The following DSCAML1 variants were observed in gnomAD, a reference collection of about 807,000 sequenced individuals.
DSCAML1 encodes cell adhesion molecule DSCAML1.
A neutral mutation model predicts 200.5 loss-of-function variants in DSCAML1; 38 were observed. The observed-to-expected ratio is 0.19, with a 90% CI of 0.15 to 0.25. The LOEUF is 0.25. Ranked by LOEUF, DSCAML1 falls within the 10% of genes least tolerant of loss-of-function variation. The pLI is 1.00. For missense variants in DSCAML1, 2,223 were observed against 2,858.8 expected (o/e 0.78, Z 5.07); for synonymous variants, 1,215 against 1,165.0 (o/e 1.04, Z -0.87).
Position 117,439,828 on chromosome 11 carries a change from G to A in DSCAML1, c.3971C>T (p.Thr1324Ile). The change falls in exon 22 of 33, where the codon ACC (threonine) becomes ATC (isoleucine). Residue 1324 changes from threonine to isoleucine, a missense_variant. Around this residue, in one of 7 missense-constraint regions of DSCAML1, gnomAD observed 614 missense variants for 739.1 expected, o/e 0.83. Transcript: ENST00000651296. ...CTGTCCCGACACACACCTGTCCTTG[G>A]TCCACTTCACAGCAGGGGCTGGATC... ...VGDPAPAVKWTKDSEDSAIPV... is the reference protein window; with the variant it reads ...VGDPAPAVKWIKDSEDSAIPV... The A allele has an allele frequency of 6.2e-7, 1 of 1,613,930 alleles. No homozygotes were observed. Among genetic ancestry groups the A allele is most frequent in the Non-Finnish European group, 8.5e-7 (1 of 1,179,828 alleles).
At chr11:117,750,374 C>A (rs1371869841) in intron 3 of DSCAML1, among the ~76,000 whole-genome samples, 1 of 152,178 alleles carries the variant, frequency 6.6e-6, no homozygotes, top group Non-Finnish European at 1.5e-5. Context: ...GGAGCACACC[C>A]CAGGGACAAT....
chr11:117,475,988 C>G (rs1446772383), intron 14 of DSCAML1, among the ~76,000 whole-genome samples: 1 of 152,120 alleles, frequency 6.6e-6, no homozygotes. Context: ...ATGGCTGAGA[C>G]CAGGGGCCCT....
chr11:117,589,109 A>G (rs1337876592), intron 3 of DSCAML1, among the ~76,000 whole-genome samples: 3 of 152,168 alleles, frequency 2.0e-5, no homozygotes, highest in Non-Finnish European at 4.4e-5. Context: ...TCCAAGCCTC[A>G]GATGGGACTG....
At chr11:117,740,345 C>T (rs565754166) in intron 3 of DSCAML1, among the ~76,000 whole-genome samples, 1 of 152,282 alleles carries the variant, frequency 6.6e-6, no homozygotes, top group African/African-American at 2.4e-5. Flanking sequence ...AGTTCATACT[C>T]TTTCCCCATT....
chr11:117,464,552 C>T (rs2048541251), intron 17 of DSCAML1, among the ~76,000 whole-genome samples: 1 of 152,128 alleles, frequency 6.6e-6, no homozygotes, highest in Non-Finnish European at 1.5e-5. Flanking sequence ...GGACAGGTTC[C>T]AGACTAGAAC....
Position 117,745,405 on chromosome 11 carries a change from G to A in DSCAML1, c.511+31386C>T, listed in dbSNP as rs2054501700. 2.0e-5 allele frequency among the ~76,000 whole-genome samples: 3 copies of A among 152,118 alleles called. No homozygotes were observed. In the South Asian group the frequency reaches 6.2e-4, roughly 32 times the overall value. On this transcript the variant is annotated intron_variant, in intron 3 of 32. Transcript: ENST00000651296. ...GAGCTGAAGCTGTTCCACCCCAAGG[G>A]AGCTTTTCTCCCCTTGAGGCCAAGA...
At position 117,461,562 on chromosome 11, in the gene DSCAML1, C is replaced by G. The variant is rs759604883; in HGVS notation, c.3300G>C (p.Leu1100=). Residue 1100 remains leucine (L), a synonymous_variant, in exon 18 of 33, where the codon CTG becomes CTC. Transcript: ENST00000651296. ...TGACGGCCACGTCAGAAGTGATGGA[C>G]AGGGCCCGGACGTTCTCAGGGGGCT... ...PSQPPENVRA[L]SITSDVAVIS... 1.7e-5 allele frequency: 28 copies of G among 1,613,980 alleles called. No homozygotes were observed. Among genetic ancestry groups the G allele is most frequent in the Non-Finnish European group, 2.4e-5 (28 of 1,180,036 alleles).
chr11:117,501,779 C>T (rs147660373), intron 11 of DSCAML1, among the ~76,000 whole-genome samples: 1 of 152,146 alleles, frequency 6.6e-6, no homozygotes, highest in African/African-American at 2.4e-5. Flanking sequence ...TGACGTGACC[C>T]CGAGGTGTGG....
intron 11 of DSCAML1, among the ~76,000 whole-genome samples, chr11:117,484,894 T>TGTGTG (rs1355547939): frequency 2.3e-5 from 1 of 43,980 alleles, no homozygotes; most frequent in Non-Finnish European, 4.0e-5. Flanking sequence ...ACAGTGTGTG[T>TGTGTG]GTGTGTGTGT....
At chr11:117,617,141 A>G (rs1295599388) in intron 3 of DSCAML1, among the ~76,000 whole-genome samples, 1 of 152,204 alleles carries the variant, frequency 6.6e-6, no homozygotes. Flanking sequence ...ATGGGGGCCC[A>G]GAGAGGTTAG....
intron 19 of DSCAML1, 101 bp from the exon 20 acceptor site, chr11:117,450,789 C>T: frequency 7.1e-7 from 1 of 1,409,294 alleles, no homozygotes; most frequent in South Asian, 1.4e-5. Flanking sequence ...TCTGGGAGAG[C>T]TTCTTGGAGG....
rs747589181 is a variant in DSCAML1 at position 117,431,581 on chromosome 11, G to A, written c.5327C>T (p.Thr1776Met). ...ACTGTAGCTGTCACTCTCAGTGACC[G>A]TGACACCATGCTGGGAGCCCACGGT... ...WRTVGSQHGVTVTESDSYSAS... is the reference protein window; with the variant it reads ...WRTVGSQHGVMVTESDSYSAS... Residue 1776 changes from threonine (T) to methionine (M), a missense_variant, in exon 31 of 33, where the codon ACG (threonine) becomes ATG (methionine). Transcript: ENST00000651296. 5.8e-5 allele frequency: 93 copies of A among 1,609,716 alleles called. No individual in the cohort carries two copies. The highest frequency in any genetic ancestry group is 1.7e-4 in the Middle Eastern group (1 of 5,962).
intron 3 of DSCAML1, among the ~76,000 whole-genome samples, chr11:117,591,799 G>A (rs1442033524): frequency 2.0e-5 from 3 of 152,176 alleles, no homozygotes; most frequent in Non-Finnish European, 4.4e-5. Context: ...ACTTGCCAGG[G>A]ATGCAGCTTC....
chr11:117,517,583 T>A (rs2049797677), intron 7 of DSCAML1, among the ~76,000 whole-genome samples: 1 of 152,134 alleles, frequency 6.6e-6, no homozygotes. Context: ...AACCCACACT[T>A]CTGTCAGGAG....
At chr11:117,627,569 T>C (rs928787417) in intron 3 of DSCAML1, among the ~76,000 whole-genome samples, 2 of 152,154 alleles carry the variant, frequency 1.3e-5, no homozygotes, top group African/African-American at 4.8e-5. Flanking sequence ...CCTGGGCCCC[T>C]GCTCTCTATG....
At chr11:117,604,797 G>A (rs2051532271) in intron 3 of DSCAML1, among the ~76,000 whole-genome samples, 1 of 152,160 alleles carries the variant, frequency 6.6e-6, no homozygotes, top group Non-Finnish European at 1.5e-5. Flanking sequence ...ACTAGCAATG[G>A]AAAAAGATCT....
At chr11:117,543,989 C>A (rs919710404) in intron 3 of DSCAML1, among the ~76,000 whole-genome samples, 1 of 152,078 alleles carries the variant, frequency 6.6e-6, no homozygotes, top group African/African-American at 2.4e-5. Context: ...TTGCCTCCCC[C>A]ATTTCCTCTG....
intron 6 of DSCAML1, among the ~76,000 whole-genome samples, chr11:117,520,371 G>A (rs899436114): frequency 8.5e-5 from 13 of 152,344 alleles, no homozygotes; most frequent in Non-Finnish European, 1.9e-4. Flanking sequence ...GGATGCTGGT[G>A]AGACACAGAG....
At chr11:117,624,546 A>C in intron 3 of DSCAML1, among the ~76,000 whole-genome samples, 1 of 151,848 alleles carries the variant, frequency 6.6e-6, no homozygotes, top group South Asian at 2.1e-4. Flanking sequence ...TTATGGCTTG[A>C]GTATGGGTGA....
Sources: allele counts gnomAD v4.1 joint callset (sites outside exome capture counted in the v4.1 genomes callset), GRCh38; gene constraint gnomAD v4.1.1; regional missense constraint gnomAD v4.1.1; transcripts MANE v1.5; gene names NCBI Gene and HGNC (gene_info 2026-07-23, HGNC 2026-07-21).